The following CNTNAP5 variants were observed in gnomAD, a reference collection of about 807,000 sequenced individuals.
The protein encoded by CNTNAP5 is contactin associated protein family member 5.
In CNTNAP5, 72 loss-of-function variants were observed where a neutral mutation model predicts 150.2. The observed-to-expected ratio is 0.48, with a 90% CI of 0.40 to 0.58. CNTNAP5 has a LOEUF of 0.58. Among genes scored for constraint, CNTNAP5 ranks in the 20% least tolerant of loss-of-function variants. The pLI is 0.00. For missense variants in CNTNAP5, 1,636 were observed against 1,626.2 expected (o/e 1.01, Z -0.10); for synonymous variants, 672 against 619.8 (o/e 1.08, Z -1.25).
intron 3 of CNTNAP5, among the ~76,000 whole-genome samples, chr2:124,283,387 G>A (rs546725276): frequency 6.6e-6 from 1 of 152,306 alleles, no homozygotes; most frequent in South Asian, 2.1e-4. Flanking sequence ...GCAAAGAGGT[G>A]AGCTATCTGA....
chr2:124,889,545 G>A (rs1257060247), intron 21 of CNTNAP5, among the ~76,000 whole-genome samples: 1 of 151,968 alleles, frequency 6.6e-6, no homozygotes, highest in African/African-American at 2.4e-5. Context: ...CATTTTCCTT[G>A]TGTTTTCCTA....
intron 1 of CNTNAP5, among the ~76,000 whole-genome samples, chr2:124,197,805 C>A (rs984499517): frequency 5.3e-5 from 8 of 151,950 alleles, no homozygotes; most frequent in African/African-American, 1.9e-4. Flanking sequence ...CGTGGTGAAA[C>A]CCCGTCTCTA....
intron 11 of CNTNAP5, among the ~76,000 whole-genome samples, chr2:124,573,410 C>G (rs1696210113): frequency 6.6e-6 from 1 of 152,176 alleles, no homozygotes; most frequent in Non-Finnish European, 1.5e-5. Flanking sequence ...ATTGAGGATA[C>G]AGTAAAGCCA....
At chr2:124,625,659 T>C (rs1677706343) in intron 12 of CNTNAP5, among the ~76,000 whole-genome samples, 1 of 152,186 alleles carries the variant, frequency 6.6e-6, no homozygotes, top group African/African-American at 2.4e-5. Context: ...ACACAGGGCT[T>C]ATCCTGACTC....
In CNTNAP5 at chr2:124,672,077, A is replaced by G. The variant is rs1239137840; in HGVS notation, c.2077+24119A>G. Among the ~76,000 whole-genome samples, 3 of 152,160 alleles carry G rather than the reference A, an allele frequency of 2.0e-5. No individual in the cohort carries two copies. In the East Asian group the frequency reaches 5.8e-4, roughly 29 times the overall value. ...AGAGAAATTTGTTTTACCTCCTCAC[A>G]TTTCTGAAGGCTGGAAACCAAGACC... On this transcript the variant is annotated intron_variant, in intron 13 of 23. Coordinates refer to ENST00000682447, the MANE Select transcript of CNTNAP5 (RefSeq NM_001367498.1).
At chr2:124,599,537 G>A (rs981459229) in intron 11 of CNTNAP5, among the ~76,000 whole-genome samples, 1 of 152,188 alleles carries the variant, frequency 6.6e-6, no homozygotes, top group South Asian at 2.1e-4. Context: ...TCTTTATGAT[G>A]TTTGTCAGGT....
chr2:124,122,092 T>C (rs955108479), intron 1 of CNTNAP5, among the ~76,000 whole-genome samples: 3 of 152,166 alleles, frequency 2.0e-5, no homozygotes, highest in African/African-American at 7.2e-5. Context: ...GATTACGTGG[T>C]GGGCCAGATT....
At chr2:124,419,153 A>AAACAAAAAC (rs1553466548) in intron 4 of CNTNAP5, among the ~76,000 whole-genome samples, 3 of 76,404 alleles carry the variant, frequency 3.9e-5, no homozygotes, top group Admixed American at 1.6e-4. Context: ...AAAAAAAAAA[A>AAACAAAAAC]AAAAAAAAAA....
chr2:124,417,526 G>A lies in CNTNAP5; in HGVS notation c.465G>A (p.Val155=), dbSNP rs768492902. ...HSVRARFVRF[V]PLEWNPSGKI... Reference sequence around the variant, plus strand: ...TGAGAGCCCGATTTGTTCGCTTTGTGCCCCTGGAATGGAATCCCAGTGGGA... The same window carrying A: ...TGAGAGCCCGATTTGTTCGCTTTGTACCCCTGGAATGGAATCCCAGTGGGA... The change falls in exon 4 of 24, where the codon GTG becomes GTA. Residue 155 remains valine, a synonymous_variant. Transcript: ENST00000682447. The A allele has an allele frequency of 6.2e-7, 1 of 1,613,766 alleles. No individual in the cohort carries two copies. The highest frequency in any genetic ancestry group is 2.2e-5 in the East Asian group (1 of 44,852).
At chr2:124,780,273 T>A (rs1681422024) in intron 17 of CNTNAP5, among the ~76,000 whole-genome samples, 1 of 152,146 alleles carries the variant, frequency 6.6e-6, no homozygotes, top group Non-Finnish European at 1.5e-5. Context: ...AAATGGGAAA[T>A]GATTTGTGCC....
At chr2:124,606,674 G>A (rs1847430) in intron 11 of CNTNAP5, among the ~76,000 whole-genome samples, 84,187 of 152,050 alleles carry the variant, frequency 0.55, 23,885 homozygotes, top group Non-Finnish European at 0.59. Flanking sequence ...TCATGGCAGA[G>A]GGCAAGGAGG....
chr2:124,106,764 G>T (rs1457052942), intron 1 of CNTNAP5, among the ~76,000 whole-genome samples: 1 of 152,176 alleles, frequency 6.6e-6, no homozygotes, highest in African/African-American at 2.4e-5. Context: ...CATATATATA[G>T]CTGGTCAGTC....
intron 21 of CNTNAP5, among the ~76,000 whole-genome samples, chr2:124,872,187 C>T (rs893535660): frequency 1.3e-5 from 2 of 151,976 alleles, no homozygotes; most frequent in African/African-American, 2.4e-5. Context: ...TGAAGCATGG[C>T]TATTAATAAA....
intron 10 of CNTNAP5, among the ~76,000 whole-genome samples, chr2:124,539,102 A>C (rs953340478): frequency 2.6e-5 from 4 of 152,202 alleles, no homozygotes; most frequent in African/African-American, 9.6e-5. Flanking sequence ...TTATAGACAC[A>C]GTTGGAAGAG....
At chr2:124,409,810 C>T (rs1242346386) in intron 3 of CNTNAP5, among the ~76,000 whole-genome samples, 1 of 152,062 alleles carries the variant, frequency 6.6e-6, no homozygotes, top group African/African-American at 2.4e-5. Context: ...TAGGCAGAAA[C>T]TGCATCAACT....
At chr2:124,476,357 G>T (rs1412671983) in intron 7 of CNTNAP5, among the ~76,000 whole-genome samples, 1 of 151,930 alleles carries the variant, frequency 6.6e-6, no homozygotes, top group African/African-American at 2.4e-5. Context: ...AAAAACTCTT[G>T]AAACCACAAG....
At chr2:124,377,771 A>C (rs557917356) in intron 3 of CNTNAP5, among the ~76,000 whole-genome samples, 1 of 152,146 alleles carries the variant, frequency 6.6e-6, no homozygotes, top group South Asian at 2.1e-4. Context: ...ATTTTAGGAA[A>C]TGTTATGGCT....
Position 124,647,800 on chromosome 2 carries a change from T to G in CNTNAP5, c.1919T>G (p.Leu640Arg). The G allele has an allele frequency of 1.2e-6, 2 of 1,613,160 alleles. No individual in the cohort carries two copies. Among genetic ancestry groups the G allele is most frequent in the Non-Finnish European group, 1.7e-6 (2 of 1,179,410 alleles). Residue 640 changes from leucine (L) to arginine (R), a missense_variant, in exon 13 of 24, where the codon CTG becomes CGG. By Grantham distance (102) the Leu-to-Arg change is moderately radical. Transcript: ENST00000682447. Reference sequence around the variant, plus strand: ...TCAGTGCAGCACAACAATACAGAGCTGACCCGAGTGCGGGGCGCTAACCCT... The same window carrying G: ...TCAGTGCAGCACAACAATACAGAGCGGACCCGAGTGCGGGGCGCTAACCCT... ...WTSVQHNNTE[L>R]TRVRGANPEK...
chr2:124,443,332 C>A (rs1692723316), intron 5 of CNTNAP5, among the ~76,000 whole-genome samples: 1 of 150,348 alleles, frequency 6.7e-6, no homozygotes. Flanking sequence ...TACTATGCAG[C>A]TATAAAAAGG....
Sources: allele counts gnomAD v4.1 joint callset (sites outside exome capture counted in the v4.1 genomes callset), GRCh38; gene constraint gnomAD v4.1.1; transcripts MANE v1.5; gene names NCBI Gene and HGNC (gene_info 2026-07-23, HGNC 2026-07-21).